Variants in CELF2 observed in about 807,000 individuals in gnomAD.
The protein encoded by CELF2 is CUG triplet repeat RNA-binding protein 2.
A neutral mutation model predicts 62.6 loss-of-function variants in CELF2; 8 were observed. The ratio of observed to expected loss-of-function variants is 0.13; its 90% CI spans 0.07 to 0.23. The LOEUF (loss-of-function observed/expected upper bound fraction) is 0.23. Among genes scored for constraint, CELF2 ranks in the 10% least tolerant of loss-of-function variants. The pLI is 1.00. For missense variants in CELF2, 333 were observed against 671.0 expected (o/e 0.50, Z 5.56); for synonymous variants, 258 against 250.0 (o/e 1.03, Z -0.30).
the CELF2 span, among the ~76,000 whole-genome samples, chr10:10,695,795 G>A: frequency 6.7e-3 from 1,008 of 151,242 alleles, 4 homozygotes; most frequent in African/African-American, 8.2e-3. Context: ...CCAGTTGATC[G>A]CATCGGCTCC....
intron 1 of CELF2, among the ~76,000 whole-genome samples, chr10:11,076,852 AG>A (rs1476354508): frequency 2.6e-5 from 4 of 152,214 alleles, no homozygotes; most frequent in African/African-American, 9.6e-5. Flanking sequence ...TCAGGCTTAC[AG>A]GGGATTGACT....
intron 2 of CELF2, among the ~76,000 whole-genome samples, chr10:11,167,773 C>T (rs920447129): frequency 6.6e-6 from 1 of 152,216 alleles, no homozygotes; most frequent in Non-Finnish European, 1.5e-5. Flanking sequence ...TGAGCACGTG[C>T]TATGTATCTC....
chr10:11,252,219 C>T (rs2077364281), intron 4 of CELF2, among the ~76,000 whole-genome samples: 1 of 152,196 alleles, frequency 6.6e-6, no homozygotes, highest in Non-Finnish European at 1.5e-5. Context: ...TTTCTAATTT[C>T]ACATGGCATT....
intron 3 of CELF2, among the ~76,000 whole-genome samples, chr10:11,221,498 C>T (rs4511201): frequency 0.083 from 12,591 of 152,238 alleles, 521 homozygotes; most frequent in Middle Eastern, 0.15. Flanking sequence ...ATCCTTGTGC[C>T]GGTGTCAGCA....
the CELF2 span, among the ~76,000 whole-genome samples, chr10:10,577,213 C>T: frequency 5.3e-5 from 8 of 152,180 alleles, no homozygotes; most frequent in Non-Finnish European, 1.0e-4. Flanking sequence ...GAGCTGTTGA[C>T]AGAGCCTGCA....
intron 1 of CELF2, among the ~76,000 whole-genome samples, chr10:10,799,682 A>C (rs2054460540): frequency 6.7e-6 from 1 of 149,264 alleles, no homozygotes; most frequent in African/African-American, 2.5e-5. Context: ...AATGCTCCTA[A>C]AAAAGTGCAC....
At chr10:11,253,020 C>T (rs574426580) in intron 4 of CELF2, among the ~76,000 whole-genome samples, 11 of 152,086 alleles carry the variant, frequency 7.2e-5, no homozygotes, top group Non-Finnish European at 1.3e-4. Flanking sequence ...TATTGCTGTG[C>T]CCAACGAGGT....
chr10:11,256,028 C>G lies in CELF2; in HGVS notation c.404-1710C>G, dbSNP rs2078639350. ...TAGGCAGGTCCCTCCCCCGCTGGACCTTGGGAAATCTTTTGGAGACAGACA... is the reference window on the plus strand; with the variant it reads ...TAGGCAGGTCCCTCCCCCGCTGGACGTTGGGAAATCTTTTGGAGACAGACA... On this transcript the variant is annotated intron_variant, in intron 4 of 12. Coordinates refer to ENST00000633077, the MANE Select transcript of CELF2 (RefSeq NM_001326342.2). Among the ~76,000 whole-genome samples the G allele has an allele frequency of 2.6e-5, 4 of 152,174 alleles. No individual in the cohort carries two copies. The South Asian group carries it at 8.3e-4, about 32-fold the overall frequency.
In CELF2 at chr10:11,243,915, G is replaced by A. The variant is rs2074793625; in HGVS notation, c.355-5238G>A. ...CGTGTACTCCCTTGTCATAGACAGA[G>A]GAAGGAGGTGGCCCCTGGGAACTAG... is the stretch of plus-strand genomic sequence containing the variant. On this transcript the variant is annotated intron_variant, in intron 3 of 12. Coordinates refer to ENST00000633077, the MANE Select transcript of CELF2 (RefSeq NM_001326342.2). This position sits in a 1 kb window ranked among gnomAD's most constrained non-coding sequence, Gnocchi z 4.1. 6.6e-6 allele frequency among the ~76,000 whole-genome samples: 1 copy of A among 152,246 alleles called. No homozygotes were observed. Among genetic ancestry groups the A allele is most frequent in the South Asian group, 2.1e-4 (1 of 4,830 alleles).
At chr10:10,951,157 CT>C (rs1427124600) in intron 2 of CELF2, among the ~76,000 whole-genome samples, 2 of 152,144 alleles carry the variant, frequency 1.3e-5, no homozygotes, top group East Asian at 3.8e-4. Flanking sequence ...CCTCCTTTTT[CT>C]TTTCTTTTTA....
At position 10,932,762 on chromosome 10, in the gene CELF2, G is replaced by C. The variant is rs1321091331; in HGVS notation, c.89+12763G>C. The stretch of plus-strand genomic sequence containing the variant: ...GGACCAAAGAATTAAGTGCAGAGAA[G>C]AGAGAACATTTTTCATATGGCAATT... On this transcript the variant is annotated intron_variant, in intron 2 of 13. Coordinates refer to the CELF2 transcript ENST00000636488. Among the ~76,000 whole-genome samples, 4 of 152,146 alleles carry C rather than the reference G, an allele frequency of 2.6e-5. No individual in the cohort carries two copies. The East Asian group carries it at 7.7e-4, about 29-fold the overall frequency.
chr10:11,240,585 A>G lies in CELF2; in HGVS notation c.355-8568A>G, dbSNP rs1005623316. On this transcript the variant is annotated intron_variant, in intron 3 of 12. Transcript: ENST00000633077. ...CGAATGGCAAATTAGCCGGGGCTAC[A>G]CTTCCCTGGCCTGACTCTAAAGCTA... Among the ~76,000 whole-genome samples, 10 of 151,306 alleles carry G rather than the reference A, an allele frequency of 6.6e-5. 1 individual carries two copies. The East Asian group carries it at 1.4e-3, about 21-fold the overall frequency.
At chr10:10,831,118 C>G (rs2057816375) in intron 1 of CELF2, among the ~76,000 whole-genome samples, 1 of 152,178 alleles carries the variant, frequency 6.6e-6, no homozygotes, top group Admixed American at 6.5e-5. Flanking sequence ...CTTCCTGAAG[C>G]CTGTAGAACA....
At chr10:11,251,644 G>T (rs75206038) in intron 4 of CELF2, among the ~76,000 whole-genome samples, 2,652 of 152,214 alleles carry the variant, frequency 0.017, 60 homozygotes, top group South Asian at 0.11. Context: ...TTGTCCTTGG[G>T]CAAGTTATTT....
At chr10:11,045,326 C>A (rs887593004) in intron 1 of CELF2, among the ~76,000 whole-genome samples, 2 of 152,160 alleles carry the variant, frequency 1.3e-5, no homozygotes, top group Non-Finnish European at 2.9e-5. Flanking sequence ...TGGTCTAGAA[C>A]TCCCGGCCTC....
chr10:10,755,023 G>T, the CELF2 span, among the ~76,000 whole-genome samples: 1 of 152,132 alleles, frequency 6.6e-6, no homozygotes, highest in Non-Finnish European at 1.5e-5. Context: ...TGGCTTCCAA[G>T]ATGATACAAA....
At chr10:10,496,922 G>T in the CELF2 span, among the ~76,000 whole-genome samples, 5 of 152,134 alleles carry the variant, frequency 3.3e-5, no homozygotes, top group Admixed American at 3.3e-4. Context: ...AGGCAAAGTG[G>T]TTCATGCCTG....
At chr10:10,668,256 C>G in the CELF2 span, among the ~76,000 whole-genome samples, 1 of 152,124 alleles carries the variant, frequency 6.6e-6, no homozygotes, top group Non-Finnish European at 1.5e-5. Context: ...AGTTATCACC[C>G]CAAATTCTCC....
At chr10:11,139,763 T>C (rs1038687366) in intron 1 of CELF2, among the ~76,000 whole-genome samples, 4 of 152,186 alleles carry the variant, frequency 2.6e-5, no homozygotes, top group African/African-American at 4.8e-5. Context: ...TCTTCTAAAT[T>C]TTAGTTGCAC....
Sources: gnomAD v4.1 joint callset for allele counts (sites outside exome capture counted in the v4.1 genomes callset) on GRCh38, gnomAD v4.1.1 for gene constraint, Gnocchi (gnomAD v3.1) non-coding constraint, MANE v1.5 for transcripts, NCBI Gene and HGNC (gene_info 2026-07-23, HGNC 2026-07-21) for gene names.